SRM: variants seen among roughly 807,000 people sequenced by gnomAD.
SRM encodes the protein putrescine aminopropyltransferase.
Under a neutral mutation model 39.3 loss-of-function variants are expected in SRM, and 14 were observed. That is an observed-to-expected ratio of 0.36 (90% CI 0.24 to 0.56). The LOEUF (loss-of-function observed/expected upper bound fraction) is 0.56. SRM is among the 20% of genes least tolerant of loss of function. The pLI is 0.86. For missense variants in SRM, 244 were observed against 409.2 expected (o/e 0.60, Z 3.48); for synonymous variants, 195 against 173.1 (o/e 1.13, Z -0.99).
chr1:11,059,414 G>A, intron 1 of SRM, 69 bp from the exon 2 acceptor site: 1 of 1,593,158 alleles, frequency 6.3e-7, no homozygotes, highest in Non-Finnish European at 8.6e-7. Context: ...AAGCCGCCCT[G>A]GGTGAGGAGG....
chr1:11,058,805 C>G lies in SRM; in HGVS notation c.376G>C (p.Asp126His). The change falls in exon 3 of 8, where the codon GAC becomes CAC. Residue 126 changes from aspartate (D) to histidine (H), a missense_variant. By Grantham distance (81) the Asp-to-His change is moderately conservative. Transcript: ENST00000376957. The stretch of plus-strand genomic sequence containing the variant: ...GGCTCTACGCCGGCACTCACCTCGT[C>G]GATCTCACACTGGACCACGGACTCC... ...SVESVVQCEI[D>H]EDVIQVSKKF... 1 of 1,608,512 alleles carries G rather than the reference C, an allele frequency of 6.2e-7. No homozygotes were observed. Among genetic ancestry groups the G allele is most frequent in the Non-Finnish European group, 8.5e-7 (1 of 1,178,254 alleles).
chr1:11,057,459 AT>A (rs1182428886), intron 3 of SRM, among the ~76,000 whole-genome samples: 3,579 of 118,680 alleles, frequency 0.03, 115 homozygotes, highest in Admixed American at 0.08. Flanking sequence ...AAGCTGGGCC[AT>A]TTTTTTTTTT....
intron 3 of SRM, chr1:11,058,561 C>CAAA (rs55958066): frequency 6.7e-4 from 122 of 183,270 alleles, no homozygotes; most frequent in Middle Eastern, 1.4e-3. Flanking sequence ...AACTCTGTCT[C>CAAA]AAAAAAAAAA....
intron 1 of SRM, 137 bp from the exon 2 acceptor site, chr1:11,059,482 G>T: frequency 1.4e-6 from 2 of 1,459,422 alleles, no homozygotes; most frequent in Non-Finnish European, 1.8e-6. Flanking sequence ...CACGTGGCGA[G>T]GAACGGCAGG....
rs1020146134 is a variant in SRM at position 11,054,604 on chromosome 1, C to T, written c.*261G>A. Reference sequence around the variant, plus strand: ...GACTCCAATCTTTGCTATAAATACACGTGTTTGGTGAGTGAGGGGCAACAG... The same window carrying T: ...GACTCCAATCTTTGCTATAAATACATGTGTTTGGTGAGTGAGGGGCAACAG... On this transcript the variant is annotated 3_prime_UTR_variant, in exon 8 of 8. Coordinates refer to ENST00000376957, the MANE Select transcript of SRM (RefSeq NM_003132.3). The surrounding 1 kb of genome is among the most constrained non-coding windows in gnomAD (Gnocchi z 4.8). The T allele has an allele frequency of 3.0e-5, 16 of 531,278 alleles. No homozygotes were observed. The highest frequency in any genetic ancestry group is 5.3e-5 in the Non-Finnish European group (16 of 304,702). The allele number at this position is 531,278 out of a possible 1,614,324, so 32.9% of individuals were successfully genotyped here.
At chr1:11,056,946 A>G (rs1638889618) in intron 3 of SRM, among the ~76,000 whole-genome samples, 189 bp from the exon 4 acceptor site, 1 of 149,760 alleles carries the variant, frequency 6.7e-6, no homozygotes, top group Admixed American at 6.6e-5. Context: ...GGCATCGATC[A>G]TGGCTCACTA....
At chr1:11,058,156 C>A (rs1638912534) in intron 3 of SRM, among the ~76,000 whole-genome samples, 1 of 152,184 alleles carries the variant, frequency 6.6e-6, no homozygotes, top group Non-Finnish European at 1.5e-5. Context: ...GTCCCCATAC[C>A]CGGGCAACAC....
At chr1:11,058,715 T>C in intron 3 of SRM, 85 bp downstream of exon 3, 3 of 1,226,478 alleles carry the variant, frequency 2.4e-6, no homozygotes, top group African/African-American at 1.5e-5. Context: ...CCTACCTGCC[T>C]TGCTCGGGGG....
At position 11,059,294 on chromosome 1, in the gene SRM, C is replaced by T; in HGVS notation, c.219G>A (p.Glu73=). The T allele has an allele frequency of 6.2e-7, 1 of 1,613,744 alleles. No homozygotes were observed. The highest frequency in any genetic ancestry group is 1.1e-5 in the South Asian group (1 of 91,080). The change falls in exon 2 of 8, where the codon GAG becomes GAA. Residue 73 remains glutamate, a synonymous_variant. Transcript: ENST00000376957. ...TCTCCTGGTAGGAGAACTCGTCTCTCTCCGTGCACTGGATGACACCGTCCA... is the reference window on the plus strand; with the variant it reads ...TCTCCTGGTAGGAGAACTCGTCTCTTTCCGTGCACTGGATGACACCGTCCA... ...LVLDGVIQCT[E]RDEFSYQEMI...
chr1:11,059,911 G>C lies in SRM; in HGVS notation c.33C>G (p.Ser11=). The C allele has an allele frequency of 7.2e-7, 1 of 1,379,360 alleles. No individual in the cohort carries two copies. Among genetic ancestry groups the C allele is most frequent in the South Asian group, 1.5e-5 (1 of 65,114 alleles). 85.4% of individuals were successfully genotyped at this position (1,379,360 alleles called of 1,614,324 possible). ...AGCCCTCGCGGATGGCGGCGGGGCC[G>C]GAGGCGGCGGGGCCGTCGGGGCCGG... The part of the protein sequence containing the change: MEPGPDGPAA[S]GPAAIREGWF... Residue 11 remains serine (S), a synonymous_variant, in exon 1 of 8, where the codon TCC becomes TCG. Transcript: ENST00000376957.
chr1:11,055,959 G>GCCTGC, intron 5 of SRM, 33 bp from the exon 6 acceptor site: 1 of 1,588,776 alleles, frequency 6.3e-7, no homozygotes, highest in Non-Finnish European at 8.6e-7. Context: ...ATCCGGCAGG[G>GCCTGC]CCTGCCCTGC....
rs1638934817 is a variant in SRM at position 11,059,282 on chromosome 1, G to C, written c.231C>G (p.Phe77Leu). The C allele has an allele frequency of 6.2e-7, 1 of 1,613,558 alleles. No homozygotes were observed. The highest frequency in any genetic ancestry group is 1.7e-5 in the Admixed American group (1 of 60,006). Reference protein sequence around the residue: ...GVIQCTERDEFSYQEMIANLP... With the variant: ...GVIQCTERDELSYQEMIANLP... ...GGTTGGCGATCATCTCCTGGTAGGA[G>C]AACTCGTCTCTCTCCGTGCACTGGA... Residue 77 changes from phenylalanine to leucine, a missense_variant, in exon 2 of 8, where the codon TTC (phenylalanine) becomes TTG (leucine). Transcript: ENST00000376957.
At chr1:11,058,344 TGTG>T (rs890786279) in intron 3 of SRM, among the ~76,000 whole-genome samples, 5 of 152,014 alleles carry the variant, frequency 3.3e-5, no homozygotes, top group African/African-American at 1.2e-4. Context: ...GCGGATCACC[TGTG>T]GTCGCCAGGT....
At chr1:11,056,783 T>G in intron 3 of SRM, 26 bp from the exon 4 acceptor site, 2 of 1,613,540 alleles carry the variant, frequency 1.2e-6, no homozygotes, top group Non-Finnish European at 1.7e-6. Context: ...GGGACCAGTC[T>G]GGGCCAAGGG....
In SRM at chr1:11,059,204, T is replaced by C. The variant is rs1417432868; in HGVS notation, c.288+21A>G. 6 of 1,613,170 alleles carry C rather than the reference T, an allele frequency of 3.7e-6. No individual in the cohort carries two copies. The Admixed American group carries it at 6.7e-5, about 18-fold the overall frequency. ...TGGGGCCGCCCCTCGTCCGGCACTG[T>C]TCCAGGGGACACTGGGGTACCTTTC... On this transcript the variant is annotated intron_variant, in intron 2 of 7. Transcript: ENST00000376957.
rs928785397 is a variant in SRM, at chr1:11,059,330, G to A, written c.183C>T (p.Asn61=). 1.2e-6 allele frequency: 2 copies of A among 1,613,718 alleles called. No individual in the cohort carries two copies. Among genetic ancestry groups the A allele is most frequent in the Admixed American group, 1.7e-5 (1 of 60,020 alleles). ...GGATGACACCGTCCAACACCAGCAC[G>A]TTGCCATAGGTCTTACTGCGGGCGG... ...ILVFRSKTYG[N]VLVLDGVIQC... is the part of the protein sequence containing the mutation. Residue 61 remains asparagine, a synonymous_variant, in exon 2 of 8, where the codon AAC becomes AAT. Coordinates refer to ENST00000376957, the MANE Select transcript of SRM (RefSeq NM_003132.3).
chr1:11,056,011 C>T lies in SRM; in HGVS notation c.619G>A (p.Gly207Ser). 8.1e-6 allele frequency: 13 copies of T among 1,610,916 alleles called. No individual in the cohort carries two copies. Among genetic ancestry groups the T allele is most frequent in the Non-Finnish European group, 1.1e-5 (13 of 1,178,340 alleles). Reference protein sequence around the residue: ...LKEDGVLCCQGECQWLHLDLI... With the variant: ...LKEDGVLCCQSECQWLHLDLI... ...CCAGTGCTCCAGGCCTGTGGCTCAC[C>T]CTGGCAGCAGAGGACACCATCTTCC... Residue 207 changes from glycine to serine, a missense_variant and splice_region_variant, in exon 5 of 8, where the codon GGC becomes AGC. Transcript: ENST00000376957.
At chr1:11,055,119 AC>A in intron 6 of SRM, 35 bp from the exon 7 acceptor site, 4 of 1,438,746 alleles carry the variant, frequency 2.8e-6, no homozygotes, top group East Asian at 2.5e-5. Flanking sequence ...CAGGGGGGGC[AC>A]TTTTTTTTTT....
chr1:11,056,119 C>A, intron 4 of SRM, 25 bp from the exon 5 acceptor site: 4 of 1,584,820 alleles, frequency 2.5e-6, no homozygotes, highest in Non-Finnish European at 3.4e-6. Context: ...GGGAGACACA[C>A]TGAACAGTCT....
Sources: gnomAD v4.1 joint callset for allele counts (sites outside exome capture counted in the v4.1 genomes callset) on GRCh38, gnomAD v4.1.1 for gene constraint, Gnocchi (gnomAD v3.1) non-coding constraint, MANE v1.5 for transcripts, NCBI Gene and HGNC (gene_info 2026-07-23, HGNC 2026-07-21) for gene names.